The following NRXN1 variants were observed in gnomAD, a reference collection of about 807,000 sequenced individuals.
The protein encoded by NRXN1 is neurexin 1, also known as neurexin-1.
In NRXN1, 39 loss-of-function variants were observed where a neutral mutation model predicts 150.9. That is an observed-to-expected ratio of 0.26 (90% CI 0.20 to 0.34). The LOEUF (loss-of-function observed/expected upper bound fraction) is 0.34, where lower values mean the gene tolerates loss of function less well. Among genes scored for constraint, NRXN1 ranks in the 10% least tolerant of loss-of-function variants. The pLI is 1.00. For missense variants in NRXN1, 1,815 were observed against 1,949.9 expected (o/e 0.93, Z 1.30); for synonymous variants, 924 against 757.0 (o/e 1.22, Z -3.62).
intron 10 of NRXN1, 122 bp from the exon 11 acceptor site, chr2:50,531,552 A>C (rs1026667702): frequency 4.9e-5 from 36 of 732,216 alleles, no homozygotes; most frequent in Non-Finnish European, 2.4e-5. Context: ...CTACAAAATC[A>C]ATTCATCTTC....
chr2:50,475,957 C>G (rs935448084), intron 15 of NRXN1, among the ~76,000 whole-genome samples: 1 of 151,956 alleles, frequency 6.6e-6, no homozygotes, highest in Non-Finnish European at 1.5e-5. Context: ...CTTAATGGCT[C>G]TGTGTATGAA....
intron 5 of NRXN1, among the ~76,000 whole-genome samples, chr2:50,740,413 T>A (rs1699290755): frequency 6.6e-6 from 1 of 152,168 alleles, no homozygotes. Context: ...CATTTTGTGA[T>A]CACAGTGCGA....
intron 17 of NRXN1, among the ~76,000 whole-genome samples, chr2:50,300,499 C>T (rs1339440071): frequency 1.3e-5 from 2 of 152,152 alleles, no homozygotes; most frequent in Admixed American, 6.5e-5. Context: ...TTCTCATTGG[C>T]TTCCCTGTCT....
Position 50,347,893 on chromosome 2 carries a change from G to T in NRXN1, c.3365-110923C>A, listed in dbSNP as rs1339548629. 6 of 965,842 alleles carry T rather than the reference G, an allele frequency of 6.2e-6. 1 individual carries two copies. Among genetic ancestry groups the T allele is most frequent in the East Asian group, 1.1e-4 (1 of 8,696 alleles). 59.8% of individuals were successfully genotyped at this position (965,842 alleles called of 1,614,324 possible). On this transcript the variant is annotated intron_variant, in intron 17 of 22. Transcript: ENST00000401669. This position sits in a 1 kb window ranked among gnomAD's most constrained non-coding sequence, Gnocchi z 4.9. The stretch of plus-strand genomic sequence containing the variant: ...GAGGGAGGCTGGTCTAGCTTCCCAC[G>T]AAAATCGCCCTGCTTTGCCTCTCCC...
intron 18 of NRXN1, among the ~76,000 whole-genome samples, chr2:50,126,726 T>C (rs985006098): frequency 3.3e-5 from 5 of 152,018 alleles, no homozygotes; most frequent in African/African-American, 1.2e-4. Context: ...GAAAAAGCCA[T>C]TAACATTAAT....
chr2:50,223,711 C>T (rs2064100271), intron 18 of NRXN1, among the ~76,000 whole-genome samples: 1 of 151,914 alleles, frequency 6.6e-6, no homozygotes, highest in Non-Finnish European at 1.5e-5. Context: ...GCAAGAGCTA[C>T]AAGCAATAGA....
At chr2:50,511,443 A>G (rs2105043627) in intron 12 of NRXN1, among the ~76,000 whole-genome samples, 1 of 152,308 alleles carries the variant, frequency 6.6e-6, no homozygotes, top group South Asian at 2.1e-4. Context: ...TCTGAGTCTG[A>G]GTTTAATAAG....
chr2:50,478,076 GAATA>G (rs1481479684), intron 15 of NRXN1, among the ~76,000 whole-genome samples: 1 of 152,014 alleles, frequency 6.6e-6, no homozygotes, highest in African/African-American at 2.4e-5. Context: ...ACACATAAAG[GAATA>G]TCTGTAGGTC....
chr2:49,948,607 G>T (rs1172901873), intron 21 of NRXN1, among the ~76,000 whole-genome samples: 1 of 151,880 alleles, frequency 6.6e-6, no homozygotes, highest in Non-Finnish European at 1.5e-5. Flanking sequence ...CTCAAGTGTA[G>T]GGGAAGAAAA....
intron 18 of NRXN1, among the ~76,000 whole-genome samples, chr2:50,145,657 C>A (rs1707908131): frequency 1.3e-5 from 2 of 151,726 alleles, no homozygotes. Flanking sequence ...ACCATTGCAA[C>A]CAAATGGCTT....
At chr2:50,165,452 G>A (rs1232306504) in intron 18 of NRXN1, among the ~76,000 whole-genome samples, 1 of 152,104 alleles carries the variant, frequency 6.6e-6, no homozygotes, top group Admixed American at 6.6e-5. Context: ...GAGTTCAAGC[G>A]ATTCTCTTGC....
chr2:51,020,877 T>C (rs1457806660), intron 2 of NRXN1, among the ~76,000 whole-genome samples: 2 of 152,060 alleles, frequency 1.3e-5, no homozygotes, highest in African/African-American at 4.8e-5. Flanking sequence ...CTCATTCCAG[T>C]ATTCAAGTAG....
chr2:50,830,111 C>T (rs1671209673), intron 5 of NRXN1, among the ~76,000 whole-genome samples: 1 of 148,424 alleles, frequency 6.7e-6, no homozygotes, highest in Non-Finnish European at 1.5e-5. Flanking sequence ...GGCACTAGGG[C>T]ATTGTCTGGG....
chr2:50,134,062 A>G (rs977882825), intron 18 of NRXN1, among the ~76,000 whole-genome samples: 7 of 152,066 alleles, frequency 4.6e-5, no homozygotes, highest in Admixed American at 4.6e-4. Context: ...CTATTCTTGT[A>G]TTTCCTGGGA....
chr2:50,354,413 C>G (rs1255414953), intron 17 of NRXN1, among the ~76,000 whole-genome samples: 1 of 151,530 alleles, frequency 6.6e-6, no homozygotes, highest in Non-Finnish European at 1.5e-5. Context: ...GCTCAGTTTT[C>G]CCATCTGTAA....
At chr2:50,038,451 G>C (rs1690387619) in intron 21 of NRXN1, among the ~76,000 whole-genome samples, 1 of 152,066 alleles carries the variant, frequency 6.6e-6, no homozygotes, top group Non-Finnish European at 1.5e-5. Flanking sequence ...AAGATAATAA[G>C]GCATGCTAAC....
intron 8 of NRXN1, among the ~76,000 whole-genome samples, chr2:50,604,727 G>A (rs1048018214): frequency 5.9e-5 from 9 of 152,020 alleles, no homozygotes; most frequent in African/African-American, 1.4e-4. Flanking sequence ...CCTATACTGC[G>A]TTGCAATAGA....
intron 2 of NRXN1, among the ~76,000 whole-genome samples, chr2:51,022,499 A>C (rs1374686763): frequency 6.6e-6 from 1 of 152,152 alleles, no homozygotes; most frequent in African/African-American, 2.4e-5. Flanking sequence ...CTCAGTTTTT[A>C]TTATTACCTC....
rs1228354964 is a variant in NRXN1 at position 50,369,192 on chromosome 2, T to C, written c.3364+96250A>G. On this transcript the variant is annotated intron_variant, in intron 17 of 22. Transcript: ENST00000401669. The stretch of plus-strand genomic sequence containing the variant: ...TGTCTAGCTCAGAGAAAGAGGTGAG[T>C]GGTGAGAAAAATCACAGCAACTGCA... Among the ~76,000 whole-genome samples, 4 of 151,784 alleles carry C rather than the reference T, an allele frequency of 2.6e-5. No individual in the cohort carries two copies. The East Asian group carries it at 7.7e-4, about 29-fold the overall frequency.
Sources: allele counts gnomAD v4.1 joint callset (sites outside exome capture counted in the v4.1 genomes callset), GRCh38; gene constraint gnomAD v4.1.1; non-coding constraint Gnocchi (gnomAD v3.1); transcripts MANE v1.5; gene names NCBI Gene and HGNC (gene_info 2026-07-23, HGNC 2026-07-21).